NFIA: variants seen among roughly 807,000 people sequenced by gnomAD.
NFIA encodes nuclear factor 1 A-type.
In NFIA, 8 loss-of-function variants were observed where a neutral mutation model predicts 62.8. The ratio of observed to expected loss-of-function variants is 0.13; its 90% CI spans 0.07 to 0.23. The LOEUF is 0.23. NFIA is among the 10% of genes least tolerant of loss of function. The pLI, the probability that NFIA is intolerant of heterozygous loss-of-function variation, is 1.00. For missense variants in NFIA, 410 were observed against 642.1 expected, an observed-to-expected ratio of 0.64 and a Z score of 3.91; for synonymous variants, 235 against 238.1, an observed-to-expected ratio of 0.99 and a Z score of 0.12.
intron 2 of NFIA, among the ~76,000 whole-genome samples, chr1:61,107,451 G>C (rs527750745): frequency 1.2e-5 from 1 of 84,140 alleles, no homozygotes; most frequent in South Asian, 4.8e-4. Flanking sequence ...ACATCTTTTT[G>C]TATATGTATG....
chr1:61,408,726 G>A (rs1441830070), intron 9 of NFIA, among the ~76,000 whole-genome samples: 2 of 152,200 alleles, frequency 1.3e-5, no homozygotes, highest in African/African-American at 4.8e-5. Flanking sequence ...CAAGTCTAAA[G>A]GATGGGGGCT....
intron 2 of NFIA, among the ~76,000 whole-genome samples, chr1:61,241,280 C>A (rs1017683135): frequency 1.3e-5 from 2 of 151,968 alleles, no homozygotes; most frequent in Non-Finnish European, 2.9e-5. Flanking sequence ...TAACTGGTGC[C>A]CCTCTGACAT....
At chr1:61,355,938 G>A (rs1352022355) in intron 5 of NFIA, among the ~76,000 whole-genome samples, 2 of 152,076 alleles carry the variant, frequency 1.3e-5, no homozygotes, top group East Asian at 1.9e-4. Flanking sequence ...GGCATCAACC[G>A]ATAGCTATAG....
chr1:61,336,786 C>G (rs1661632351), intron 4 of NFIA, among the ~76,000 whole-genome samples: 1 of 152,148 alleles, frequency 6.6e-6, no homozygotes, highest in South Asian at 2.1e-4. Context: ...CAGATTTCTT[C>G]TTAACCTTCT....
chr1:61,436,284 C>G (rs1667323638), intron 10 of NFIA, among the ~76,000 whole-genome samples: 1 of 152,094 alleles, frequency 6.6e-6, no homozygotes, highest in South Asian at 2.1e-4. Flanking sequence ...TTTTGCAGAG[C>G]TTGAGTCAAC....
chr1:61,094,968 C>A (rs1051219915), intron 2 of NFIA, among the ~76,000 whole-genome samples: 1 of 152,128 alleles, frequency 6.6e-6, no homozygotes, highest in Non-Finnish European at 1.5e-5. Flanking sequence ...GTAAAACAAG[C>A]TAAATAAGAT....
chr1:61,223,714 C>T (rs1654157366), intron 2 of NFIA, among the ~76,000 whole-genome samples: 2 of 151,926 alleles, frequency 1.3e-5, no homozygotes, highest in Non-Finnish European at 2.9e-5. Flanking sequence ...AGAATGATAG[C>T]TATCCTCCAC....
Position 61,430,926 on chromosome 1 carries a change from A to G in NFIA, c.1512+4370A>G, listed in dbSNP as rs139954920. 3.2e-3 allele frequency among the ~76,000 whole-genome samples: 482 copies of G among 152,152 alleles called. 2 individuals are homozygous for G. Among genetic ancestry groups the G allele is most frequent in the African/African-American group, 0.011 (455 of 41,492 alleles). Reference sequence around the variant, plus strand: ...TGAGATGAGAGGTGGCCACCTCCCTACAGCCTTTAGAACACCCATCAATAC... The same window carrying G: ...TGAGATGAGAGGTGGCCACCTCCCTGCAGCCTTTAGAACACCCATCAATAC... On this transcript the variant is annotated intron_variant, in intron 10 of 10. Coordinates refer to ENST00000403491, the MANE Select transcript of NFIA (RefSeq NM_001134673.4).
At chr1:61,159,838 T>C (rs750311482) in intron 2 of NFIA, among the ~76,000 whole-genome samples, 18 of 151,904 alleles carry the variant, frequency 1.2e-4, no homozygotes, top group South Asian at 1.0e-3. Flanking sequence ...CCTGCCACCA[T>C]GCCCGACTAA....
At chr1:61,217,199 G>A (rs1353888537) in intron 2 of NFIA, among the ~76,000 whole-genome samples, 2 of 150,668 alleles carry the variant, frequency 1.3e-5, no homozygotes, top group Non-Finnish European at 3.0e-5. Flanking sequence ...TGGGACTGCC[G>A]GCACATGCCA....
chr1:61,210,312 A>G (rs980437293), intron 2 of NFIA, among the ~76,000 whole-genome samples: 14 of 152,182 alleles, frequency 9.2e-5, no homozygotes, highest in East Asian at 1.9e-4. Flanking sequence ...AAACAACCCA[A>G]TTTTGCTGTG....
intron 2 of NFIA, among the ~76,000 whole-genome samples, chr1:61,226,985 T>C (rs374043266): frequency 2.0e-5 from 3 of 152,198 alleles, no homozygotes; most frequent in Non-Finnish European, 4.4e-5. Flanking sequence ...TTTTCACTTA[T>C]ACAAACTGCA....
In NFIA at chr1:61,300,804, A is replaced by G. The variant is rs11809632; in HGVS notation, c.625+23219A>G. Among the ~76,000 whole-genome samples the G allele has an allele frequency of 6.5e-3, 987 of 152,226 alleles. 13 individuals are homozygous for G. Among genetic ancestry groups the G allele is most frequent in the African/African-American group, 0.022 (924 of 41,562 alleles). On this transcript the variant is annotated intron_variant, in intron 3 of 10. Coordinates refer to ENST00000403491, the MANE Select transcript of NFIA (RefSeq NM_001134673.4). Reference sequence around the variant, plus strand: ...TACACATAGAGGTACATACACATGTATAAACCTCCATTTTTATAAAGATTG... The same window carrying G: ...TACACATAGAGGTACATACACATGTGTAAACCTCCATTTTTATAAAGATTG...
intron 2 of NFIA, among the ~76,000 whole-genome samples, chr1:61,195,437 G>C (rs146982574): frequency 6.6e-6 from 1 of 152,216 alleles, no homozygotes; most frequent in East Asian, 1.9e-4. Context: ...TCAAGGTCTA[G>C]TCTGTAATTT....
At chr1:61,106,424 G>T (rs1328765722) in intron 2 of NFIA, among the ~76,000 whole-genome samples, 2 of 151,800 alleles carry the variant, frequency 1.3e-5, no homozygotes, top group East Asian at 3.9e-4. Context: ...CTGTTTGCAT[G>T]GGGAGCTGAG....
Position 61,406,543 on chromosome 1 carries a change from G to GGGGGCCCCCC in NFIA, c.1255-19_1255-18insGGGGCCCCCC. The GGGGGCCCCCC allele has an allele frequency of 3.4e-6, 3 of 876,652 alleles. No individual in the cohort carries two copies. The highest frequency in any genetic ancestry group is 4.6e-6 in the Non-Finnish European group (3 of 653,742). The allele number at this position is 876,652 out of a possible 1,614,324, so 54.3% of individuals were successfully genotyped here. ...TCTTTTTCTTGTACGTGTGTTTTCT[G>GGGGGCCCCCC]CCCCCCCCCCCCCCACAGCCCAATG... On this transcript the variant is annotated intron_variant, in intron 8 of 10. Transcript: ENST00000403491.
intron 3 of NFIA, among the ~76,000 whole-genome samples, chr1:61,298,648 C>G (rs1358268810): frequency 6.6e-6 from 1 of 152,116 alleles, no homozygotes; most frequent in African/African-American, 2.4e-5. Flanking sequence ...CTGTTTCTCT[C>G]TGAGCCTTGG....
intron 4 of NFIA, among the ~76,000 whole-genome samples, chr1:61,341,689 G>C (rs1661924957): frequency 6.6e-6 from 1 of 152,124 alleles, no homozygotes; most frequent in Non-Finnish European, 1.5e-5. Context: ...TGTTGCCCAG[G>C]CTCGTCTCGA....
intron 2 of NFIA, among the ~76,000 whole-genome samples, chr1:61,178,467 G>A (rs1270133020): frequency 2.0e-5 from 3 of 152,238 alleles, no homozygotes; most frequent in East Asian, 1.9e-4. Flanking sequence ...CACGATATAG[G>A]AGCCATTATC....
Sources: gnomAD v4.1 joint callset for allele counts (sites outside exome capture counted in the v4.1 genomes callset) on GRCh38, gnomAD v4.1.1 for gene constraint, MANE v1.5 for transcripts, NCBI Gene and HGNC (gene_info 2026-07-23, HGNC 2026-07-21) for gene names.